Variants in RPTOR observed in about 807,000 individuals in gnomAD.
RPTOR encodes regulatory-associated protein of mTOR.
In RPTOR, 21 loss-of-function variants were observed where a neutral mutation model predicts 169.9. The observed-to-expected ratio is 0.12, with a 90% CI of 0.09 to 0.18. RPTOR has a LOEUF of 0.18. Ranked by LOEUF, RPTOR falls within the 10% of genes least tolerant of loss-of-function variation. The pLI is 1.00. For missense variants in RPTOR, 1,133 were observed against 1,855.9 expected (o/e 0.61, Z 7.16); for synonymous variants, 732 against 753.2 (o/e 0.97, Z 0.46).
At chr17:80,952,144 C>T (rs779774472) in intron 28 of RPTOR, among the ~76,000 whole-genome samples, 1 of 152,210 alleles carries the variant, frequency 6.6e-6, no homozygotes, top group Admixed American at 6.5e-5. Context: ...AATCCAGAGC[C>T]GTGAATGCTG....
intron 21 of RPTOR, among the ~76,000 whole-genome samples, chr17:80,918,445 A>AGTCATAGCCACGAGTACCCTCGCGGGG (rs2068701984): frequency 3.6e-5 from 3 of 84,394 alleles, no homozygotes; most frequent in African/African-American, 1.5e-4. Flanking sequence ...CCCTCGCCGG[A>AGTCATAGCCACGAGTACCCTCGCGGGG]GTCATAGCCA....
At chr17:80,688,113 T>C (rs1273414836) in intron 3 of RPTOR, among the ~76,000 whole-genome samples, 1 of 152,206 alleles carries the variant, frequency 6.6e-6, no homozygotes, top group Non-Finnish European at 1.5e-5. Context: ...CTTTTATTGA[T>C]AAGTAGTCAG....
chr17:80,946,646 G>T (rs987925931), intron 26 of RPTOR, among the ~76,000 whole-genome samples: 1 of 152,234 alleles, frequency 6.6e-6, no homozygotes, highest in Non-Finnish European at 1.5e-5. Flanking sequence ...GCTACAGCAC[G>T]TCAGAATTTC....
intron 6 of RPTOR, among the ~76,000 whole-genome samples, chr17:80,790,637 C>G: frequency 6.6e-6 from 1 of 152,226 alleles, no homozygotes; most frequent in East Asian, 1.9e-4. Context: ...CCTTCTCCAT[C>G]ACTCACTTCC....
intron 14 of RPTOR, among the ~76,000 whole-genome samples, chr17:80,881,253 AAAAC>A (rs1008294496): frequency 2.0e-5 from 3 of 152,264 alleles, no homozygotes; most frequent in Non-Finnish European, 2.9e-5. Flanking sequence ...TTTAAAACAC[AAAAC>A]AAACAGGACT....
intron 1 of RPTOR, among the ~76,000 whole-genome samples, chr17:80,601,053 G>A (rs921220777): frequency 6.6e-4 from 100 of 152,286 alleles, no homozygotes; most frequent in African/African-American, 2.3e-3. Flanking sequence ...GGTGTGCTGA[G>A]GACGACATAC....
intron 7 of RPTOR, among the ~76,000 whole-genome samples, chr17:80,817,581 G>A (rs888162079): frequency 2.0e-5 from 3 of 152,110 alleles, no homozygotes; most frequent in Non-Finnish European, 2.9e-5. Context: ...CCTCATGCTG[G>A]AAGTGGGGAG....
chr17:80,809,141 C>G (rs1047456037), intron 7 of RPTOR, among the ~76,000 whole-genome samples: 1 of 152,216 alleles, frequency 6.6e-6, no homozygotes, highest in Non-Finnish European at 1.5e-5. Context: ...CAACAGCGTG[C>G]CAGTTGTGGC....
rs564814581 is a variant in RPTOR, at chr17:80,957,692, G to A, written c.3439G>A (p.Val1147Ile). 150 of 1,614,120 alleles carry A rather than the reference G, an allele frequency of 9.3e-5. 1 individual carries two copies. The East Asian group carries it at 1.2e-3, about 13-fold the overall frequency. Reference protein sequence around the residue: ...LLMSSGDVRIVRIWDTDREMK... With the variant: ...LLMSSGDVRIIRIWDTDREMK... Reference sequence around the variant, plus strand: ...CATGAGCTCAGGAGACGTGCGGATCGTCCGGATCTGGGACACAGACCGTGA... The same window carrying A: ...CATGAGCTCAGGAGACGTGCGGATCATCCGGATCTGGGACACAGACCGTGA... Residue 1147 changes from valine to isoleucine, a missense_variant, in exon 29 of 34, where the codon GTC becomes ATC. Val to Ile is a conservative substitution (Grantham distance 29, BLOSUM62 3). Coordinates refer to ENST00000306801, the MANE Select transcript of RPTOR (RefSeq NM_020761.3). This position sits in a 1 kb window ranked among gnomAD's most constrained non-coding sequence, Gnocchi z 4.6.
chr17:80,552,596 C>G (rs1568299696), intron 1 of RPTOR, among the ~76,000 whole-genome samples: 1 of 152,248 alleles, frequency 6.6e-6, no homozygotes. Context: ...AGGGATTCAA[C>G]AAAACTATAC....
chr17:80,564,757 C>T (rs2084556377), intron 1 of RPTOR, among the ~76,000 whole-genome samples: 1 of 151,958 alleles, frequency 6.6e-6, no homozygotes, highest in Admixed American at 6.6e-5. Context: ...CACCGTCTAC[C>T]CTCAAGTAGG....
At chr17:80,560,580 T>C (rs9905427) in intron 1 of RPTOR, among the ~76,000 whole-genome samples, 31 of 151,458 alleles carry the variant, frequency 2.0e-4, no homozygotes, top group Non-Finnish European at 4.3e-4. Context: ...TGGAAGGGAG[T>C]GGGGTGGAAG....
chr17:80,879,019 C>T (rs933867198), intron 13 of RPTOR, among the ~76,000 whole-genome samples: 1 of 152,088 alleles, frequency 6.6e-6, no homozygotes, highest in Admixed American at 6.5e-5. Flanking sequence ...TTCAGCACCA[C>T]CCGATAAGCG....
At chr17:80,864,919 C>A (rs897446454) in intron 13 of RPTOR, among the ~76,000 whole-genome samples, 1 of 152,236 alleles carries the variant, frequency 6.6e-6, no homozygotes, top group Non-Finnish European at 1.5e-5. Context: ...GCTCACACTC[C>A]CTGGCTCAAG....
rs1269445126 is a variant in RPTOR at position 80,922,669 on chromosome 17, G to A, written c.2521-55G>A. ...ACGCCAGCCTCTGCTTCGTGTGGCG[G>A]CCTCCGCGGAGCACGTCCCGTCTGA... On this transcript the variant is annotated intron_variant, in intron 21 of 33. Coordinates refer to ENST00000306801, the MANE Select transcript of RPTOR (RefSeq NM_020761.3). 8.6e-6 allele frequency: 12 copies of A among 1,399,642 alleles called. 1 individual carries two copies. The highest frequency in any genetic ancestry group is 1.1e-5 in the Non-Finnish European group (11 of 1,017,412). 86.7% of individuals were successfully genotyped at this position (1,399,642 alleles called of 1,614,324 possible).
intron 3 of RPTOR, among the ~76,000 whole-genome samples, chr17:80,685,233 A>G (rs2065930896): frequency 9.4e-6 from 1 of 106,654 alleles, no homozygotes; most frequent in Non-Finnish European, 1.8e-5. Context: ...CAGTGTGTGC[A>G]GTCTGGGAGA....
chr17:80,907,889 C>T (rs1364847818), intron 20 of RPTOR, among the ~76,000 whole-genome samples: 2 of 152,222 alleles, frequency 1.3e-5, no homozygotes, highest in Admixed American at 1.3e-4. Flanking sequence ...GCCTTCACTT[C>T]CTAGCCCACT....
intron 5 of RPTOR, among the ~76,000 whole-genome samples, chr17:80,735,671 G>T (rs767717603): frequency 1.3e-5 from 2 of 152,124 alleles, no homozygotes; most frequent in African/African-American, 4.8e-5. Flanking sequence ...GGCCAGTAGC[G>T]AGTTGGGCAG....
chr17:80,800,738 C>T (rs1567918417), intron 7 of RPTOR, among the ~76,000 whole-genome samples: 2 of 152,180 alleles, frequency 1.3e-5, no homozygotes, highest in Non-Finnish European at 1.5e-5. Flanking sequence ...TAATGCAACA[C>T]TTAAACAGTG....
Sources: gnomAD v4.1 joint callset for allele counts (sites outside exome capture counted in the v4.1 genomes callset) on GRCh38, gnomAD v4.1.1 for gene constraint, Gnocchi (gnomAD v3.1) non-coding constraint, MANE v1.5 for transcripts, NCBI Gene and HGNC (gene_info 2026-07-23, HGNC 2026-07-21) for gene names.